The following KIF16B variants were observed in gnomAD, a reference collection of about 807,000 sequenced individuals.
KIF16B encodes the protein kinesin-like protein KIF16B.
KIF16B carries 98 observed loss-of-function variants against 156.3 expected under a neutral mutation model. The ratio of observed to expected loss-of-function variants is 0.63; its 90% CI spans 0.53 to 0.74. The LOEUF is 0.74. Among genes scored for constraint, KIF16B ranks in the 30% least tolerant of loss-of-function variants. The pLI, the probability that KIF16B is intolerant of heterozygous loss-of-function variation, is 0.00. For synonymous variants in KIF16B, 564 were observed against 583.7 expected (o/e 0.97, Z 0.49); for missense variants, 1,421 against 1,606.5 (o/e 0.88, Z 1.97).
intron 1 of KIF16B, among the ~76,000 whole-genome samples, chr20:16,544,276 A>T (rs2070314964): frequency 6.6e-6 from 1 of 151,802 alleles, no homozygotes; most frequent in African/African-American, 2.4e-5. Flanking sequence ...CCTGGAATGT[A>T]CCTATCTAAT....
chr20:16,384,644 G>A (rs2065185179), intron 17 of KIF16B, among the ~76,000 whole-genome samples: 1 of 152,088 alleles, frequency 6.6e-6, no homozygotes, highest in African/African-American at 2.4e-5. Flanking sequence ...GATGGGTGGG[G>A]GAGCAATATG....
intron 11 of KIF16B, among the ~76,000 whole-genome samples, chr20:16,495,934 T>G (rs777599128): frequency 5.9e-5 from 9 of 152,130 alleles, no homozygotes; most frequent in Admixed American, 1.3e-4. Context: ...CAGGCGATCC[T>G]CCTGCCTCAA....
chr20:16,480,077 G>C (rs1052753693), intron 12 of KIF16B, among the ~76,000 whole-genome samples: 1 of 152,152 alleles, frequency 6.6e-6, no homozygotes, highest in Non-Finnish European at 1.5e-5. Context: ...GGAGGTATGG[G>C]TGTGCTTAGT....
chr20:16,331,487 C>T (rs1333168024), intron 24 of KIF16B, among the ~76,000 whole-genome samples: 3 of 152,152 alleles, frequency 2.0e-5, no homozygotes, highest in African/African-American at 7.2e-5. Context: ...ATTTTGAATT[C>T]CAGTGTGCTT....
intron 23 of KIF16B, among the ~76,000 whole-genome samples, chr20:16,339,088 A>G (rs1329033959): frequency 6.6e-6 from 1 of 152,212 alleles, no homozygotes; most frequent in African/African-American, 2.4e-5. Flanking sequence ...TCATGGAGTA[A>G]TATGACAGAA....
chr20:16,474,498 A>G (rs1297224150), intron 12 of KIF16B, among the ~76,000 whole-genome samples: 2 of 152,212 alleles, frequency 1.3e-5, no homozygotes, highest in Admixed American at 6.5e-5. Context: ...GAGGACAGCA[A>G]TATACTCAGC....
At position 16,414,103 on chromosome 20, in the gene KIF16B, T is replaced by A. The variant is rs115251083; in HGVS notation, c.1613-7647A>T. ...ATACTTAAGAACAGATTAAGTAATA[T>A]GTTCTAGGGCCTTAGACTTGGTGAC... is the stretch of plus-strand genomic sequence containing the variant. On this transcript the variant is annotated intron_variant, in intron 15 of 25. Transcript: ENST00000354981. 4.9e-3 allele frequency among the ~76,000 whole-genome samples: 748 copies of A among 152,224 alleles called. 8 individuals carry two copies. Among genetic ancestry groups the A allele is most frequent in the African/African-American group, 0.017 (700 of 41,554 alleles).
intron 17 of KIF16B, among the ~76,000 whole-genome samples, chr20:16,385,463 C>A (rs1402859735): frequency 6.6e-6 from 1 of 152,160 alleles, no homozygotes; most frequent in Admixed American, 6.5e-5. Context: ...GCCCAGAGAT[C>A]AGCAGGTCTG....
At chr20:16,418,427 C>G (rs1568959236) in intron 15 of KIF16B, among the ~76,000 whole-genome samples, 1 of 152,108 alleles carries the variant, frequency 6.6e-6, no homozygotes, top group Non-Finnish European at 1.5e-5. Context: ...CTTTCTTATA[C>G]TCCCTCCTTT....
At position 16,535,752 on chromosome 20, in the gene KIF16B, T is replaced by C. The variant is rs139774150; in HGVS notation, c.48-7312A>G. Reference sequence around the variant, plus strand: ...AGATATATGAAAAAAATGCTCAGTATCACTAATTATCAGGGAAATGCAAAT... The same window carrying C: ...AGATATATGAAAAAAATGCTCAGTACCACTAATTATCAGGGAAATGCAAAT... On this transcript the variant is annotated intron_variant, in intron 1 of 25. Coordinates refer to ENST00000354981, the MANE Select transcript of KIF16B (RefSeq NM_024704.5). Among the ~76,000 whole-genome samples, 297 of 152,176 alleles carry C rather than the reference T, an allele frequency of 2.0e-3. 4 individuals are homozygous for C. The highest frequency in any genetic ancestry group is 0.01 in the Middle Eastern group (3 of 294).
chr20:16,421,812 T>G (rs1325920466), intron 15 of KIF16B, among the ~76,000 whole-genome samples: 1 of 152,134 alleles, frequency 6.6e-6, no homozygotes, highest in Non-Finnish European at 1.5e-5. Context: ...ACAGTGATAC[T>G]GAGAAAGCTG....
intron 18 of KIF16B, 124 bp downstream of exon 18, chr20:16,381,570 T>A (rs1600250474): frequency 3.9e-6 from 2 of 513,292 alleles, no homozygotes; most frequent in Non-Finnish European, 6.4e-6. Flanking sequence ...GACATGTAAA[T>A]AACAGATAAC....
chr20:16,518,527 T>G (rs2069221416), intron 3 of KIF16B, among the ~76,000 whole-genome samples: 2 of 152,182 alleles, frequency 1.3e-5, no homozygotes, highest in African/African-American at 4.8e-5. Context: ...ATCGGGCATG[T>G]CAACTGGGAG....
intron 12 of KIF16B, among the ~76,000 whole-genome samples, chr20:16,454,223 T>C (rs564419564): frequency 5.9e-5 from 9 of 152,034 alleles, no homozygotes; most frequent in South Asian, 4.1e-4. Context: ...AAAATATATA[T>C]TCATATTTGC....
chr20:16,463,903 T>C (rs1055634710), intron 12 of KIF16B, among the ~76,000 whole-genome samples: 3 of 152,142 alleles, frequency 2.0e-5, no homozygotes, highest in Admixed American at 6.5e-5. Flanking sequence ...ATAAAAACAT[T>C]TCAAAGATTT....
chr20:16,296,268 G>A (rs920320949), intron 25 of KIF16B, among the ~76,000 whole-genome samples: 3 of 152,164 alleles, frequency 2.0e-5, no homozygotes, highest in South Asian at 2.1e-4. Flanking sequence ...TTTTGTCTAC[G>A]CCACTTGTGA....
At chr20:16,320,841 A>G (rs1226782799) in intron 24 of KIF16B, among the ~76,000 whole-genome samples, 1 of 152,214 alleles carries the variant, frequency 6.6e-6, no homozygotes, top group Admixed American at 6.5e-5. Flanking sequence ...AATTTATAAA[A>G]TGGAAACACA....
intron 22 of KIF16B, among the ~76,000 whole-genome samples, chr20:16,361,926 T>C (rs1044070426): frequency 2.6e-5 from 4 of 152,226 alleles, no homozygotes; most frequent in African/African-American, 9.6e-5. Flanking sequence ...TGTCACTATT[T>C]TTCTCTAGAT....
At chr20:16,518,774 T>C (rs2069229827) in intron 3 of KIF16B, among the ~76,000 whole-genome samples, 1 of 152,144 alleles carries the variant, frequency 6.6e-6, no homozygotes, top group African/African-American at 2.4e-5. Context: ...TAAGGGAAAA[T>C]TGAACTATAG....
Sources: allele counts gnomAD v4.1 joint callset (sites outside exome capture counted in the v4.1 genomes callset), GRCh38; gene constraint gnomAD v4.1.1; transcripts MANE v1.5; gene names NCBI Gene and HGNC (gene_info 2026-07-23, HGNC 2026-07-21).